The following ATP11C variants were observed in gnomAD, a reference collection of about 807,000 sequenced individuals.
ATP11C encodes the protein phospholipid-transporting ATPase IG.
A neutral mutation model predicts 97.4 loss-of-function variants in ATP11C; 36 were observed. That is an observed-to-expected ratio of 0.37 (90% CI 0.28 to 0.49). The LOEUF (loss-of-function observed/expected upper bound fraction) is 0.49, where lower values mean the gene tolerates loss of function less well. Ranked by LOEUF, ATP11C falls within the 20% of genes least tolerant of loss-of-function variation. The probability of loss-of-function intolerance (pLI) is 0.98; values close to 1 mark genes in which losing one functional copy is unlikely to be tolerated. For synonymous variants in ATP11C, 275 were observed against 290.9 expected (o/e 0.95, Z 0.56); for missense variants, 730 against 824.6 (o/e 0.89, Z 1.40).
chrX:139,750,121 T>A lies in ATP11C; in HGVS notation c.2732A>T (p.Tyr911Phe), dbSNP rs1282061977. The change falls in exon 24 of 30, where the codon TAC becomes TTC. Residue 911 changes from tyrosine to phenylalanine, a missense_variant. Tyr to Phe is a conservative substitution (Grantham distance 22). Transcript: ENST00000682941. Reference protein sequence around the residue: ...PLYDAAYLTMYNICFTSLPIL... With the variant: ...PLYDAAYLTMFNICFTSLPIL... Reference sequence around the variant, plus strand: ...GGGCAAGGATGTGAAGCAGATATTGTACATTGTAAGGTAAGCAGCATCATA... The same window carrying A: ...GGGCAAGGATGTGAAGCAGATATTGAACATTGTAAGGTAAGCAGCATCATA... 1.7e-6 allele frequency: 2 copies of A among 1,203,171 alleles called. No homozygotes were observed. The highest frequency in any genetic ancestry group is 4.4e-5 in the Admixed American group (2 of 45,946).
In ATP11C at chrX:139,726,715, T is replaced by G; in HGVS notation, c.*2251A>C. On this transcript the variant is annotated 3_prime_UTR_variant, in exon 30 of 30. Transcript: ENST00000682941. ...AACATCCTCAAACAATGGACAGCGG[T>G]TGTGAAAATTACAAAGACATTTTGA... The G allele has an allele frequency of 8.9e-6, 1 of 112,419 alleles. No homozygotes were observed. The highest frequency in any genetic ancestry group is 9.5e-5 in the Admixed American group (1 of 10,580). The allele number at this position is 112,419 out of a possible 1,213,427, so 9.3% of individuals were successfully genotyped here.
rs2081621463 is a variant in ATP11C at position 139,743,775 on chromosome X, C to A, written c.2965-151G>T. ...TAGGGAAACAGCTAGTCAGTAAGAT[C>A]AGGCCACAATGCCAGATTTTCCTGT... On this transcript the variant is annotated intron_variant, in intron 25 of 29. Transcript: ENST00000682941. 9 of 371,545 alleles carry A rather than the reference C, an allele frequency of 2.4e-5. No homozygotes were observed. The South Asian group carries it at 6.7e-4, about 28-fold the overall frequency. The allele number at this position is 371,545 out of a possible 1,213,427, so 30.6% of individuals were successfully genotyped here.
At chrX:139,886,734 C>T (rs2084649171) in intron 1 of ATP11C, among the ~76,000 whole-genome samples, 1 of 111,012 alleles carries the variant, frequency 9.0e-6, no homozygotes, top group Non-Finnish European at 1.9e-5. Flanking sequence ...TGCAGAGATA[C>T]ACTGTGTTCA....
chrX:139,795,835 A>G (rs893449415), intron 12 of ATP11C, among the ~76,000 whole-genome samples: 3 of 111,613 alleles, frequency 2.7e-5, no homozygotes, highest in Non-Finnish European at 5.6e-5. Flanking sequence ...TTAGGTCTAT[A>G]TTCTACCTGA....
chrX:139,761,853 A>T, intron 22 of ATP11C, 108 bp downstream of exon 22: 1 of 532,949 alleles, frequency 1.9e-6, no homozygotes, highest in Non-Finnish European at 2.7e-6. Context: ...TTTCAGTATG[A>T]GATATCAAAA....
intron 23 of ATP11C, among the ~76,000 whole-genome samples, chrX:139,751,412 T>C (rs2081812411): frequency 8.9e-6 from 1 of 112,501 alleles, no homozygotes; most frequent in Admixed American, 9.4e-5. Context: ...TAAACAAAGA[T>C]TTAAGCTCAG....
intron 1 of ATP11C, among the ~76,000 whole-genome samples, chrX:139,921,417 T>C (rs553220258): frequency 4.5e-5 from 5 of 111,370 alleles, no homozygotes; most frequent in South Asian, 7.5e-4. Context: ...TGTGAGGGTG[T>C]CTTGCGTCCT....
intron 1 of ATP11C, among the ~76,000 whole-genome samples, chrX:139,912,141 C>T (rs1203237730): frequency 1.1e-5 from 1 of 94,748 alleles, no homozygotes; most frequent in African/African-American, 4.1e-5. Flanking sequence ...CCCCACTGCA[C>T]TCCAGCCTGA....
chrX:139,932,916 G>A lies in ATP11C; in HGVS notation c.-874C>T, dbSNP rs1385059620. ...CACCCTCCTCATCTGCACCGACGAG[G>A]GTTCCCCCTCGACCCTCGCGCCGCT... On this transcript the variant is annotated 5_prime_UTR_variant, in exon 1 of 30. Coordinates refer to ENST00000682941, the MANE Select transcript of ATP11C (RefSeq NM_001353812.2). 2 of 111,947 alleles carry A rather than the reference G, an allele frequency of 1.8e-5. No homozygotes were observed. The highest frequency in any genetic ancestry group is 3.8e-5 in the Non-Finnish European group (2 of 53,000). 9.2% of individuals were successfully genotyped at this position (111,947 alleles called of 1,213,427 possible).
At chrX:139,917,063 GGA>G (rs1011904165) in intron 1 of ATP11C, among the ~76,000 whole-genome samples, 1 of 111,251 alleles carries the variant, frequency 9.0e-6, no homozygotes, top group African/African-American at 3.3e-5. Flanking sequence ...TACGATGCTG[GGA>G]GAGTCTTCAA....
At chrX:139,868,579 A>G (rs2084321266) in intron 1 of ATP11C, among the ~76,000 whole-genome samples, 1 of 107,838 alleles carries the variant, frequency 9.3e-6, no homozygotes, top group African/African-American at 3.4e-5. Flanking sequence ...AAAAAAAATT[A>G]GCCAGGCGTG....
At chrX:139,930,293 TTTC>T (rs2085412703) in intron 1 of ATP11C, among the ~76,000 whole-genome samples, 2 of 110,001 alleles carry the variant, frequency 1.8e-5, no homozygotes, top group Non-Finnish European at 3.8e-5. Context: ...GCAGATCACT[TTTC>T]GCAAAAGGGA....
chrX:139,807,606 T>C (rs2083072304), intron 5 of ATP11C, among the ~76,000 whole-genome samples: 1 of 111,334 alleles, frequency 9.0e-6, no homozygotes, highest in African/African-American at 3.3e-5. Context: ...AGACCCAAAA[T>C]GTCCAGATTT....
chrX:139,826,014 G>C (rs769861172), intron 2 of ATP11C, among the ~76,000 whole-genome samples: 2 of 112,033 alleles, frequency 1.8e-5, no homozygotes, highest in African/African-American at 6.5e-5. Flanking sequence ...ATTTAGAATC[G>C]GGGCGATTAA....
chrX:139,920,853 A>G (rs777129109), intron 1 of ATP11C, among the ~76,000 whole-genome samples: 1 of 111,835 alleles, frequency 8.9e-6, no homozygotes, highest in African/African-American at 3.2e-5. Context: ...GTGGATAATA[A>G]AATAATCAAT....
chrX:139,819,392 A>G lies in ATP11C; in HGVS notation c.183T>C (p.Phe61=). 1 of 1,149,119 alleles carries G rather than the reference A, an allele frequency of 8.7e-7. No individual in the cohort carries two copies. The highest frequency in any genetic ancestry group is 1.2e-6 in the Non-Finnish European group (1 of 855,873). 94.7% of individuals were successfully genotyped at this position (1,149,119 alleles called of 1,213,427 possible). ...TLWNFLPKNL[F]EQFRRIANFY... is the part of the protein sequence containing the mutation. ...AATTTGCAATTCTTCTAAACTGTTC[A>G]AACAGATTCTTTGGGAGAAAATTCC... Residue 61 remains phenylalanine, a synonymous_variant, in exon 3 of 30, where the codon TTT becomes TTC. Coordinates refer to ENST00000682941, the MANE Select transcript of ATP11C (RefSeq NM_001353812.2).
rs557186635 is a variant in ATP11C at position 139,799,855 on chromosome X, T to C, written c.710+205A>G. Among the ~76,000 whole-genome samples, 32 of 109,415 alleles carry C rather than the reference T, an allele frequency of 2.9e-4. No homozygotes were observed. The East Asian group carries it at 6.9e-3, about 24-fold the overall frequency. On this transcript the variant is annotated intron_variant, in intron 8 of 29. Transcript: ENST00000682941. ...TTAATAGAGATTGGGTTTCACCCCG[T>C]TGGCCAGGCTGGCTTCAAACTCCTG...
At position 139,932,066 on chromosome X, in the gene ATP11C, G is replaced by C; in HGVS notation, c.-24C>G. 8.7e-7 allele frequency: 1 copy of C among 1,155,566 alleles called. No homozygotes were observed. Among genetic ancestry groups the C allele is most frequent in the South Asian group, 2.0e-5 (1 of 51,066 alleles). ...ATCGCGTCGAAGGCTGCCGGGCGCTGAGCTGGGCTCTACCGGGCTGTCTGG... is the reference window on the plus strand; with the variant it reads ...ATCGCGTCGAAGGCTGCCGGGCGCTCAGCTGGGCTCTACCGGGCTGTCTGG... On this transcript the variant is annotated 5_prime_UTR_variant, in exon 1 of 30. Coordinates refer to ENST00000682941, the MANE Select transcript of ATP11C (RefSeq NM_001353812.2).
intron 1 of ATP11C, among the ~76,000 whole-genome samples, chrX:139,867,058 A>T (rs1411817298): frequency 8.9e-6 from 1 of 111,848 alleles, no homozygotes; most frequent in East Asian, 2.8e-4. Context: ...TGCACTCCAG[A>T]CTAAGCGACA....
Sources: gnomAD v4.1 joint callset for allele counts (sites outside exome capture counted in the v4.1 genomes callset) on GRCh38, gnomAD v4.1.1 for gene constraint, MANE v1.5 for transcripts, NCBI Gene and HGNC (gene_info 2026-07-23, HGNC 2026-07-21) for gene names.